TRAPPC12: variants seen among roughly 807,000 people sequenced by gnomAD.
The protein encoded by TRAPPC12 is TPR repeat protein 15.
A neutral mutation model predicts 69.2 loss-of-function variants in TRAPPC12; 61 were observed. The observed-to-expected ratio is 0.88, with a 90% CI of 0.72 to 1.09. The LOEUF (loss-of-function observed/expected upper bound fraction) is 1.09. TRAPPC12 is among the 50% of genes least tolerant of loss of function. TRAPPC12 has a pLI of 0.00. For synonymous variants in TRAPPC12, 469 were observed against 438.9 expected (o/e 1.07, Z -0.86); for missense variants, 1,101 against 1,016.4 (o/e 1.08, Z -1.13).
At chr2:3,410,247 G>A (rs964830645) in intron 3 of TRAPPC12, among the ~76,000 whole-genome samples, 1 of 152,196 alleles carries the variant, frequency 6.6e-6, no homozygotes, top group Non-Finnish European at 1.5e-5. Flanking sequence ...TTCATATTCA[G>A]TCATCTGTGG....
At chr2:3,433,145 C>T (rs1663539765) in intron 5 of TRAPPC12, among the ~76,000 whole-genome samples, 1 of 152,106 alleles carries the variant, frequency 6.6e-6, no homozygotes, top group Admixed American at 6.6e-5. Context: ...GCACAGACAC[C>T]AAGCAGTATC....
chr2:3,404,538 T>A (rs1003647510), intron 3 of TRAPPC12, among the ~76,000 whole-genome samples: 4 of 152,328 alleles, frequency 2.6e-5, no homozygotes, highest in African/African-American at 9.6e-5. Flanking sequence ...GATTTTATCC[T>A]GACTTCATTA....
chr2:3,435,732 A>T (rs947464581), intron 5 of TRAPPC12, among the ~76,000 whole-genome samples: 1 of 152,106 alleles, frequency 6.6e-6, no homozygotes, highest in Non-Finnish European at 1.5e-5. Context: ...CTTAACCCCC[A>T]TTTAGGTTTT....
intron 11 of TRAPPC12, 50 bp from the exon 12 acceptor site, chr2:3,479,169 G>T: frequency 6.3e-7 from 1 of 1,585,008 alleles, no homozygotes; most frequent in Non-Finnish European, 8.6e-7. Context: ...GAATGGGCGG[G>T]CGTCTGTCCT....
At chr2:3,465,538 G>A (rs539899593) in intron 8 of TRAPPC12, 59 bp from the exon 9 acceptor site, 99 of 1,176,368 alleles carry the variant, frequency 8.4e-5, no homozygotes, top group South Asian at 1.6e-4. Flanking sequence ...TCTTCTACAC[G>A]TGTGAAACCC....
chr2:3,412,963 TA>T (rs970585577), intron 3 of TRAPPC12, among the ~76,000 whole-genome samples: 1 of 152,078 alleles, frequency 6.6e-6, no homozygotes, highest in African/African-American at 2.4e-5. Context: ...GTAAGGAAAA[TA>T]TGCCATGTAC....
chr2:3,435,145 T>A (rs1320444826), intron 5 of TRAPPC12, among the ~76,000 whole-genome samples: 1 of 152,168 alleles, frequency 6.6e-6, no homozygotes, highest in Admixed American at 6.5e-5. Context: ...CCCGAGTAGC[T>A]GAGATTATAG....
chr2:3,438,964 A>G (rs975391601), intron 5 of TRAPPC12, among the ~76,000 whole-genome samples: 3 of 152,232 alleles, frequency 2.0e-5, no homozygotes, highest in Admixed American at 2.0e-4. Flanking sequence ...GTAAATCTCT[A>G]GGACTGTGAT....
chr2:3,381,875 T>G (rs1219075331), intron 1 of TRAPPC12, among the ~76,000 whole-genome samples: 4 of 152,254 alleles, frequency 2.6e-5, no homozygotes, highest in African/African-American at 7.2e-5. Context: ...AATATGTTTG[T>G]GTTCCTAACA....
At chr2:3,408,238 G>A (rs774028745) in intron 3 of TRAPPC12, among the ~76,000 whole-genome samples, 2 of 152,262 alleles carry the variant, frequency 1.3e-5, no homozygotes, top group Non-Finnish European at 2.9e-5. Flanking sequence ...GAGGAGGGAA[G>A]CGGACAAGCC....
chr2:3,384,602 C>T (rs1039012248), intron 1 of TRAPPC12, among the ~76,000 whole-genome samples: 1 of 152,170 alleles, frequency 6.6e-6, no homozygotes, highest in African/African-American at 2.4e-5. Context: ...TCGCATTAAA[C>T]CAACAGTACA....
At chr2:3,415,959 G>GC (rs1662364567) in intron 3 of TRAPPC12, among the ~76,000 whole-genome samples, 2 of 150,370 alleles carry the variant, frequency 1.3e-5, no homozygotes, top group African/African-American at 2.5e-5. Flanking sequence ...CTCATGATCC[G>GC]CCCCCCTCAG....
intron 6 of TRAPPC12, among the ~76,000 whole-genome samples, chr2:3,453,991 T>G (rs1216548653): frequency 6.6e-6 from 1 of 152,202 alleles, no homozygotes; most frequent in African/African-American, 2.4e-5. Flanking sequence ...CTGGGACCTA[T>G]CAATTGACAT....
intron 5 of TRAPPC12, among the ~76,000 whole-genome samples, chr2:3,427,943 G>A (rs904208933): frequency 1.3e-5 from 2 of 151,826 alleles, no homozygotes; most frequent in African/African-American, 4.8e-5. Context: ...TTTACCTTTG[G>A]CCATTCAGGA....
chr2:3,380,425 C>A (rs4854187), intron 1 of TRAPPC12, among the ~76,000 whole-genome samples: 1 of 152,038 alleles, frequency 6.6e-6, no homozygotes, highest in African/African-American at 2.4e-5. Flanking sequence ...CTGTGAAGAC[C>A]GAAAAAGCGT....
chr2:3,462,830 G>T, intron 8 of TRAPPC12: 1 of 447,980 alleles, frequency 2.2e-6, no homozygotes, highest in South Asian at 1.6e-5. Context: ...GCCCCTGGGA[G>T]GCCACTTCCC....
Position 3,414,919 on chromosome 2 carries a change from G to A in TRAPPC12, c.1165-6962G>A, listed in dbSNP as rs550039657. On this transcript the variant is annotated intron_variant, in intron 3 of 11. Coordinates refer to ENST00000324266, the MANE Select transcript of TRAPPC12 (RefSeq NM_016030.6). This position sits in a 1 kb window ranked among gnomAD's most constrained non-coding sequence, Gnocchi z 4.9. ...TCCGCATCCACAGATTCCACCACCC[G>A]CAGTTGGGAAACACAGTGAGGTATG... 2.0e-5 allele frequency among the ~76,000 whole-genome samples: 3 copies of A among 152,208 alleles called. No homozygotes were observed. The highest frequency in any genetic ancestry group is 1.9e-4 in the East Asian group (1 of 5,164).
intron 1 of TRAPPC12, among the ~76,000 whole-genome samples, chr2:3,382,709 G>GCA (rs1660272935): frequency 6.6e-6 from 1 of 152,146 alleles, no homozygotes; most frequent in Non-Finnish European, 1.5e-5. Context: ...AGGATCACTT[G>GCA]AGCTCAGAAG....
chr2:3,380,724 G>A (rs1660168613), intron 1 of TRAPPC12, among the ~76,000 whole-genome samples: 1 of 152,196 alleles, frequency 6.6e-6, no homozygotes, highest in Non-Finnish European at 1.5e-5. Flanking sequence ...TACATTTTGT[G>A]ATATCTGATG....
Sources: allele counts gnomAD v4.1 joint callset (sites outside exome capture counted in the v4.1 genomes callset), GRCh38; gene constraint gnomAD v4.1.1; non-coding constraint Gnocchi (gnomAD v3.1); transcripts MANE v1.5; gene names NCBI Gene and HGNC (gene_info 2026-07-23, HGNC 2026-07-21).